PTPN4: variants seen among roughly 807,000 people sequenced by gnomAD.
PTPN4 encodes tyrosine-protein phosphatase non-receptor type 4.
PTPN4 carries 49 observed loss-of-function variants against 135.5 expected under a neutral mutation model. The observed-to-expected ratio is 0.36, with a 90% CI of 0.29 to 0.46. The LOEUF (loss-of-function observed/expected upper bound fraction) is 0.46, where lower values mean the gene tolerates loss of function less well. PTPN4 is among the 20% of genes least tolerant of loss of function. The pLI, the probability that PTPN4 is intolerant of heterozygous loss-of-function variation, is 1.00. For synonymous variants in PTPN4, 333 were observed against 369.9 expected, an observed-to-expected ratio of 0.90 and a Z score of 1.14; for missense variants, 860 against 1,101.0, an observed-to-expected ratio of 0.78 and a Z score of 3.10.
At chr2:119,840,962 C>G (rs1452918588) in intron 2 of PTPN4, among the ~76,000 whole-genome samples, 1 of 151,926 alleles carries the variant, frequency 6.6e-6, no homozygotes, top group Non-Finnish European at 1.5e-5. Context: ...TTCTTTGTAG[C>G]TGCTGGATAT....
At chr2:119,847,965 G>A (rs1244885453) in intron 2 of PTPN4, among the ~76,000 whole-genome samples, 1 of 151,920 alleles carries the variant, frequency 6.6e-6, no homozygotes, top group Non-Finnish European at 1.5e-5. Flanking sequence ...GAGTTTCCTC[G>A]TACATGAGGA....
rs139800962 is a variant in PTPN4 at position 119,842,638 on chromosome 2, T to C, written c.139-19898T>C. Among the ~76,000 whole-genome samples, 552 of 152,278 alleles carry C rather than the reference T, an allele frequency of 3.6e-3. 3 individuals carry two copies. The highest frequency in any genetic ancestry group is 0.013 in the African/African-American group (530 of 41,552). On this transcript the variant is annotated intron_variant, in intron 2 of 26. Transcript: ENST00000263708. ...GACGTGTAGAGTAGGGTTTTGGTTG[T>C]TTTGTTTCGTTTTTTTCTTTTTCTT...
intron 2 of PTPN4, among the ~76,000 whole-genome samples, chr2:119,814,020 G>A (rs1676947461): frequency 6.6e-6 from 1 of 151,980 alleles, no homozygotes; most frequent in African/African-American, 2.4e-5. Flanking sequence ...AAAAAAAAAT[G>A]TATATGTGTG....
At chr2:119,924,042 C>T (rs188704811) in intron 12 of PTPN4, among the ~76,000 whole-genome samples, 119 of 147,292 alleles carry the variant, frequency 8.1e-4, no homozygotes, top group Middle Eastern at 3.6e-3. Flanking sequence ...GAGGCTGAGG[C>T]AGAAGAATGG....
chr2:119,972,175 T>TAA (rs34997921), intron 26 of PTPN4, among the ~76,000 whole-genome samples: 88,104 of 149,952 alleles, frequency 0.59, 27,785 homozygotes, highest in East Asian at 0.8. Flanking sequence ...TCTGAAAAAA[T>TAA]AAAAAAAAAA....
At chr2:119,929,997 G>A (rs1236796455) in intron 13 of PTPN4, among the ~76,000 whole-genome samples, 1 of 152,108 alleles carries the variant, frequency 6.6e-6, no homozygotes, top group Non-Finnish European at 1.5e-5. Context: ...AGCATTAATA[G>A]AGCCATAAAT....
rs148661051 is a variant in PTPN4, at chr2:119,954,037, A to C, written c.1814-1120A>C. Among the ~76,000 whole-genome samples, 5 of 152,296 alleles carry C rather than the reference A, an allele frequency of 3.3e-5. No homozygotes were observed. The East Asian group carries it at 9.6e-4, about 29-fold the overall frequency. ...TGTGGGTCTGTCTTTTCCATTCTTA[A>C]AGTTTCATATAATTAAAATTTAAAA... On this transcript the variant is annotated intron_variant, in intron 19 of 26. Coordinates refer to ENST00000263708, the MANE Select transcript of PTPN4 (RefSeq NM_002830.4).
chr2:119,913,723 A>G (rs1186896273), intron 10 of PTPN4, among the ~76,000 whole-genome samples: 1 of 152,202 alleles, frequency 6.6e-6, no homozygotes, highest in Non-Finnish European at 1.5e-5. Context: ...TAGTATGTCT[A>G]ATGATTTATT....
intron 2 of PTPN4, among the ~76,000 whole-genome samples, chr2:119,860,697 A>G (rs1677748419): frequency 6.6e-6 from 1 of 152,154 alleles, no homozygotes; most frequent in Non-Finnish European, 1.5e-5. Context: ...TACCATATCC[A>G]TTTTCTGTTG....
At chr2:119,787,386 G>A (rs1014105690) in intron 1 of PTPN4, among the ~76,000 whole-genome samples, 1 of 152,134 alleles carries the variant, frequency 6.6e-6, no homozygotes, top group African/African-American at 2.4e-5. Flanking sequence ...CCTTTTATTT[G>A]ACACTTTAAT....
intron 10 of PTPN4, among the ~76,000 whole-genome samples, chr2:119,902,950 G>A (rs1419702417): frequency 6.6e-6 from 1 of 152,114 alleles, no homozygotes; most frequent in Non-Finnish European, 1.5e-5. Flanking sequence ...TGAGAGCTCA[G>A]ACCCCATCAG....
intron 9 of PTPN4, 99 bp from the exon 10 acceptor site, chr2:119,900,619 C>A: frequency 1.5e-6 from 1 of 650,414 alleles, no homozygotes. Flanking sequence ...TTTGAAAATG[C>A]AATGTTTAGT....
rs1426343991 is a variant in PTPN4, at chr2:119,984,894, T to C, written c.*7824T>C. ...GCAAAATAAAGATGTGCTTTAGTAA[T>C]CTAAAGTACAGAAGTTTTGAAGATT... On this transcript the variant is annotated 3_prime_UTR_variant, in exon 27 of 27. Transcript: ENST00000263708. Among the ~76,000 whole-genome samples, 1 of 152,234 alleles carries C rather than the reference T, an allele frequency of 6.6e-6. No individual in the cohort carries two copies. The highest frequency in any genetic ancestry group is 1.5e-5 in the Non-Finnish European group (1 of 68,042).
chr2:119,766,480 G>C (rs62167247), intron 1 of PTPN4, among the ~76,000 whole-genome samples: 5,664 of 122,662 alleles, frequency 0.046, 136 homozygotes, highest in Non-Finnish European at 0.053. Context: ...GTGTGTGTGT[G>C]TGTCTGTGTG....
intron 2 of PTPN4, among the ~76,000 whole-genome samples, chr2:119,841,800 A>G (rs72836837): frequency 0.021 from 3,158 of 152,276 alleles, 58 homozygotes; most frequent in Non-Finnish European, 0.033. Flanking sequence ...AGCACAGTAA[A>G]TGGTGGAAAA....
At chr2:119,920,570 T>A (rs1678722445) in intron 12 of PTPN4, among the ~76,000 whole-genome samples, 1 of 152,228 alleles carries the variant, frequency 6.6e-6, no homozygotes. Flanking sequence ...AACTTTTCTT[T>A]GTTCTAAGAC....
At chr2:119,828,212 G>A (rs1677172401) in intron 2 of PTPN4, among the ~76,000 whole-genome samples, 1 of 152,236 alleles carries the variant, frequency 6.6e-6, no homozygotes, top group Non-Finnish European at 1.5e-5. Flanking sequence ...TCAGTTGCCA[G>A]CCATATGAGC....
intron 3 of PTPN4, among the ~76,000 whole-genome samples, chr2:119,876,214 T>C (rs1677980840): frequency 1.3e-5 from 2 of 152,076 alleles, no homozygotes; most frequent in African/African-American, 4.8e-5. Context: ...TATCAAGAAG[T>C]GTTAATCAAA....
chr2:119,788,400 T>C (rs1691082863), intron 1 of PTPN4, among the ~76,000 whole-genome samples: 1 of 152,152 alleles, frequency 6.6e-6, no homozygotes, highest in Non-Finnish European at 1.5e-5. Flanking sequence ...CTTCATAAAA[T>C]GTTATGTTTT....
Sources: allele counts gnomAD v4.1 joint callset (sites outside exome capture counted in the v4.1 genomes callset), GRCh38; gene constraint gnomAD v4.1.1; transcripts MANE v1.5; gene names NCBI Gene and HGNC (gene_info 2026-07-23, HGNC 2026-07-21).